TBC1D14: variants seen among roughly 807,000 people sequenced by gnomAD.
TBC1D14 encodes the protein TBC1 domain family member 14.
TBC1D14 carries 26 observed loss-of-function variants against 79.0 expected under a neutral mutation model. That is an observed-to-expected ratio of 0.33 (90% CI 0.24 to 0.46). The LOEUF is 0.46. TBC1D14 is among the 20% of genes least tolerant of loss of function. The pLI is 1.00. For missense variants in TBC1D14, 769 were observed against 887.6 expected, an observed-to-expected ratio of 0.87 and a Z score of 1.70; for synonymous variants, 394 against 349.9, an observed-to-expected ratio of 1.13 and a Z score of -1.40.
intron 3 of TBC1D14, among the ~76,000 whole-genome samples, chr4:6,980,420 A>G (rs1283378247): frequency 6.6e-6 from 1 of 152,220 alleles, no homozygotes; most frequent in East Asian, 1.9e-4. Flanking sequence ...AAATGCTCAC[A>G]TAGAAAAGAA....
At chr4:6,920,848 C>G (rs988798890) in intron 1 of TBC1D14, among the ~76,000 whole-genome samples, 5 of 151,718 alleles carry the variant, frequency 3.3e-5, no homozygotes, top group Non-Finnish European at 7.4e-5. Flanking sequence ...GCGCGATCTC[C>G]GCTCACTGCA....
intron 2 of TBC1D14, among the ~76,000 whole-genome samples, chr4:6,956,053 T>A (rs1470821847): frequency 1.3e-5 from 2 of 152,212 alleles, no homozygotes; most frequent in African/African-American, 4.8e-5. Flanking sequence ...TCGTAGGCAC[T>A]AGAGACAGAG....
At chr4:6,938,189 G>A (rs976411580) in intron 2 of TBC1D14, among the ~76,000 whole-genome samples, 6 of 152,182 alleles carry the variant, frequency 3.9e-5, no homozygotes, top group Non-Finnish European at 7.3e-5. Flanking sequence ...CTCAGGGAGA[G>A]CTTGTCTGGG....
chr4:6,918,269 G>A (rs1420297794), intron 1 of TBC1D14, among the ~76,000 whole-genome samples: 1 of 152,200 alleles, frequency 6.6e-6, no homozygotes, highest in Non-Finnish European at 1.5e-5. Context: ...TCACCAAAAT[G>A]GTTTCCAATT....
Position 7,025,127 on chromosome 4 carries a change from G to A in TBC1D14, c.1881G>A (p.Glu627=). 6.2e-7 allele frequency: 1 copy of A among 1,614,214 alleles called. No homozygotes were observed. The highest frequency in any genetic ancestry group is 8.5e-7 in the Non-Finnish European group (1 of 1,180,032). The change falls in exon 13 of 14, where the codon GAG becomes GAA. Residue 627 remains glutamate (E), a synonymous_variant. Transcript: ENST00000409757. ...CCCTGGGCATCCTGAAGCTGTTCGAGGACATCCTGACCAAGATGGACTTCA... is the reference window on the plus strand; with the variant it reads ...CCCTGGGCATCCTGAAGCTGTTCGAAGACATCCTGACCAAGATGGACTTCA... ...RTALGILKLF[E]DILTKMDFIH...
chr4:6,936,868 C>A (rs529292093), intron 2 of TBC1D14, among the ~76,000 whole-genome samples: 2 of 150,722 alleles, frequency 1.3e-5, no homozygotes, highest in African/African-American at 4.9e-5. Context: ...GAAGCAGGGT[C>A]TCGAGGATGG....
intron 2 of TBC1D14, among the ~76,000 whole-genome samples, chr4:6,956,542 C>G (rs58188465): frequency 0.012 from 1,827 of 152,316 alleles, 38 homozygotes; most frequent in African/African-American, 0.041. Flanking sequence ...GACTGACACG[C>G]CCGGTCCCCC....
chr4:6,944,693 C>T (rs1223244438), intron 2 of TBC1D14, among the ~76,000 whole-genome samples: 2 of 152,218 alleles, frequency 1.3e-5, no homozygotes, highest in Non-Finnish European at 2.9e-5. Context: ...AAAATTAGTC[C>T]TCCCCGGGTC....
intron 3 of TBC1D14, chr4:6,987,070 A>G: frequency 6.0e-6 from 3 of 497,216 alleles, no homozygotes; most frequent in Non-Finnish European, 7.7e-6. Flanking sequence ...TACCACGGGG[A>G]CGCCCCAGCC....
chr4:6,990,828 G>C (rs962347391), intron 3 of TBC1D14, among the ~76,000 whole-genome samples: 9 of 152,204 alleles, frequency 5.9e-5, no homozygotes, highest in African/African-American at 2.2e-4. Context: ...TAGAACTCTG[G>C]TTTTACTTCC....
rs188405520 is a variant in TBC1D14 at position 6,945,019 on chromosome 4, C to G, written c.722+20908C>G. On this transcript the variant is annotated intron_variant, in intron 2 of 13. Transcript: ENST00000409757. ...CCCCAGCTCATGTTCCTGATTGGCCCTGGGACACTAGCAGAACGTGACTTG... is the reference window on the plus strand; with the variant it reads ...CCCCAGCTCATGTTCCTGATTGGCCGTGGGACACTAGCAGAACGTGACTTG... 1.1e-4 allele frequency among the ~76,000 whole-genome samples: 16 copies of G among 152,326 alleles called. No individual in the cohort carries two copies. In the East Asian group the frequency reaches 1.7e-3, roughly 17 times the overall value.
Position 6,924,003 on chromosome 4 carries a change from T to C in TBC1D14, c.614T>C (p.Leu205Ser), listed in dbSNP as rs1330926731. 9 of 1,614,118 alleles carry C rather than the reference T, an allele frequency of 5.6e-6. No homozygotes were observed. The highest frequency in any genetic ancestry group is 6.8e-6 in the Non-Finnish European group (8 of 1,180,022). Residue 205 changes from leucine to serine, a missense_variant, in exon 2 of 14, where the codon TTG becomes TCG. Physicochemically the swap from Leu to Ser is moderately radical, Grantham distance 145. Transcript: ENST00000409757. ...DDDPQFTNVT[L>S]SSIKETRGLH... is the part of the protein sequence containing the mutation. ...GACCCACAGTTTACCAACGTCACCT[T>C]GAGCTCTATCAAGGAAACCCGTGGC...
In TBC1D14 at chr4:6,909,848, C is replaced by T. The variant is rs1035399107; in HGVS notation, c.-121C>T. 2 of 148,230 alleles carry T rather than the reference C, an allele frequency of 1.3e-5. No individual in the cohort carries two copies. The highest frequency in any genetic ancestry group is 4.9e-5 in the African/African-American group (2 of 41,062). 9.2% of individuals were successfully genotyped at this position (148,230 alleles called of 1,614,324 possible). A position where few individuals can be genotyped will look rare whatever the true frequency, so the allele number is the denominator to read the frequency against. On this transcript the variant is annotated 5_prime_UTR_variant, in exon 1 of 14. Coordinates refer to ENST00000409757, the MANE Select transcript of TBC1D14 (RefSeq NM_020773.3). Reference sequence around the variant, plus strand: ...CGCACCTGCGGGTCGGACCCGCTGCCTACCGCGTGCCCGGCGTCCTCGTCG... The same window carrying T: ...CGCACCTGCGGGTCGGACCCGCTGCTTACCGCGTGCCCGGCGTCCTCGTCG...
At chr4:6,963,471 C>T (rs911550671) in intron 2 of TBC1D14, among the ~76,000 whole-genome samples, 2 of 152,240 alleles carry the variant, frequency 1.3e-5, no homozygotes, top group African/African-American at 2.4e-5. Context: ...AGGCTCGCTC[C>T]TGCCCAGCTG....
intron 12 of TBC1D14, 75 bp downstream of exon 12, chr4:7,014,632 C>G (rs1394500402): frequency 9.6e-7 from 1 of 1,037,748 alleles, no homozygotes; most frequent in East Asian, 2.5e-5. Flanking sequence ...TCTCTGCCAA[C>G]TTCTTCATGG....
rs140660418 is a variant in TBC1D14, at chr4:6,917,816, C to T, written c.-17-5557C>T. On this transcript the variant is annotated intron_variant, in intron 1 of 13. Transcript: ENST00000409757. ...AGCACACACCTTGTTTGTACAACTT[C>T]CCCTATAAAGGGTATTATCACGCGG... Among the ~76,000 whole-genome samples the T allele has an allele frequency of 1.4e-4, 21 of 152,316 alleles. No individual in the cohort carries two copies. In the South Asian group the frequency reaches 1.7e-3, roughly 12 times the overall value.
rs1240307789 is a variant in TBC1D14, at chr4:7,010,745, C to T, written c.1611C>T (p.Pro537=). ...FIAFSNLLNK[P]CQMAFFRVDH... is the part of the protein sequence containing the mutation. ...CCTTTTCTAACCTTCTGAATAAACC[C>T]TGTCAAATGGCGTTTTTTAGAGTGG... The change falls in exon 11 of 14, where the codon CCC becomes CCT. Residue 537 remains proline, a synonymous_variant. Coordinates refer to ENST00000409757, the MANE Select transcript of TBC1D14 (RefSeq NM_020773.3). The T allele has an allele frequency of 6.2e-7, 1 of 1,613,902 alleles. No homozygotes were observed. Among genetic ancestry groups the T allele is most frequent in the Non-Finnish European group, 8.5e-7 (1 of 1,179,998 alleles).
In TBC1D14 at chr4:7,013,812, C is replaced by T. The variant is rs372180103; in HGVS notation, c.1648-636C>T. 4.6e-5 allele frequency among the ~76,000 whole-genome samples: 7 copies of T among 151,762 alleles called. No individual in the cohort carries two copies. The East Asian group carries it at 9.7e-4, about 21-fold the overall frequency. On this transcript the variant is annotated intron_variant, in intron 11 of 13. Transcript: ENST00000409757. ...AGGCTGGAGTGCAGTGGCGCAATCTCGGCTCACTGCAAGCTCCGCCTCCCG... is the reference window on the plus strand; with the variant it reads ...AGGCTGGAGTGCAGTGGCGCAATCTTGGCTCACTGCAAGCTCCGCCTCCCG...
intron 5 of TBC1D14, among the ~76,000 whole-genome samples, chr4:6,996,783 T>G (rs1297009333): frequency 1.3e-5 from 2 of 152,218 alleles, no homozygotes; most frequent in African/African-American, 4.8e-5. Flanking sequence ...CGCAGAAGGC[T>G]ACTATCCATT....
Sources: gnomAD v4.1 joint callset for allele counts (sites outside exome capture counted in the v4.1 genomes callset) on GRCh38, gnomAD v4.1.1 for gene constraint, MANE v1.5 for transcripts, NCBI Gene and HGNC (gene_info 2026-07-23, HGNC 2026-07-21) for gene names.